The following SEPTIN9 variants were observed in gnomAD, a reference collection of about 807,000 sequenced individuals.
SEPTIN9 encodes septin-9.
SEPTIN9 carries 13 observed loss-of-function variants against 56.6 expected under a neutral mutation model. The observed-to-expected ratio is 0.23, with a 90% CI of 0.15 to 0.37. The LOEUF (loss-of-function observed/expected upper bound fraction) is 0.37. Among genes scored for constraint, SEPTIN9 ranks in the 10% least tolerant of loss-of-function variants. SEPTIN9 has a pLI of 1.00. For missense variants in SEPTIN9, 650 were observed against 823.1 expected (o/e 0.79, Z 2.57); for synonymous variants, 332 against 334.1 (o/e 0.99, Z 0.07).
chr17:77,456,649 AG>A lies in SEPTIN9; in HGVS notation c.722-25493del. 1 of 142,812 alleles carries A rather than the reference AG, an allele frequency of 7.0e-6. No individual in the cohort carries two copies. The highest frequency in any genetic ancestry group is 6.9e-5 in the Admixed American group (1 of 14,396). The allele number at this position is 142,812 out of a possible 1,614,324, so 8.8% of individuals were successfully genotyped here. A position where few individuals can be genotyped will look rare whatever the true frequency, so the allele number is the denominator to read the frequency against. On this transcript the variant is annotated intron_variant, in intron 3 of 11. Transcript: ENST00000427177. This position sits in a 1 kb window ranked among gnomAD's most constrained non-coding sequence, Gnocchi z 6.0. ...GCACCGGGTACCCACAGCCAGGGACAGGCCTCCATGGCCAGTACCAGGTCTC... is the reference window on the plus strand; with the variant it reads ...GCACCGGGTACCCACAGCCAGGGACAGCCTCCATGGCCAGTACCAGGTCTC...
intron 1 of SEPTIN9, among the ~76,000 whole-genome samples, chr17:77,287,173 G>A (rs959093360): frequency 2.0e-5 from 3 of 152,376 alleles, no homozygotes; most frequent in African/African-American, 7.2e-5. Context: ...ACCAAAGGGA[G>A]TCAGTCCTGG....
intron 2 of SEPTIN9, among the ~76,000 whole-genome samples, chr17:77,368,582 G>A (rs908353551): frequency 9.9e-5 from 15 of 152,138 alleles, no homozygotes; most frequent in African/African-American, 3.6e-4. Context: ...AAAGTGCTGG[G>A]ATTACAGGCG....
chr17:77,381,403 C>T (rs1024590537), intron 2 of SEPTIN9, among the ~76,000 whole-genome samples: 2 of 139,564 alleles, frequency 1.4e-5, no homozygotes, highest in African/African-American at 2.6e-5. Flanking sequence ...CTCCTTCTGT[C>T]CCCACCCCCC....
At chr17:77,354,508 C>T (rs913209578) in intron 2 of SEPTIN9, among the ~76,000 whole-genome samples, 1 of 152,180 alleles carries the variant, frequency 6.6e-6, no homozygotes, top group Non-Finnish European at 1.5e-5. Context: ...CCTGCCCAGC[C>T]TGGAGCCTCC....
chr17:77,465,611 G>A (rs1159923772), intron 3 of SEPTIN9, among the ~76,000 whole-genome samples: 1 of 149,782 alleles, frequency 6.7e-6, no homozygotes, highest in African/African-American at 2.4e-5. Context: ...TTGAATCAAC[G>A]CAGGGATGGG....
Position 77,371,055 on chromosome 17 carries a change from G to C in SEPTIN9, c.77-31004G>C, listed in dbSNP as rs1008968045. Among the ~76,000 whole-genome samples, 1 of 152,214 alleles carries C rather than the reference G, an allele frequency of 6.6e-6. No individual in the cohort carries two copies. The highest frequency in any genetic ancestry group is 2.4e-5 in the African/African-American group (1 of 41,452). On this transcript the variant is annotated intron_variant, in intron 2 of 11. Coordinates refer to ENST00000427177, the MANE Select transcript of SEPTIN9 (RefSeq NM_001113491.2). This position sits in a 1 kb window ranked among gnomAD's most constrained non-coding sequence, Gnocchi z 4.1. ...AAAGGAAATAAATGATGTACAATTA[G>C]AGCAGTTGGTTAGATACGAGGGTGA...
Position 77,429,311 on chromosome 17 carries a change from C to T in SEPTIN9, c.721+26608C>T, listed in dbSNP as rs2037039377. 2 of 469,836 alleles carry T rather than the reference C, an allele frequency of 4.3e-6. No homozygotes were observed. The highest frequency in any genetic ancestry group is 8.8e-6 in the Non-Finnish European group (2 of 226,104). 29.1% of individuals were successfully genotyped at this position (469,836 alleles called of 1,614,324 possible). On this transcript the variant is annotated intron_variant, in intron 3 of 11. Coordinates refer to ENST00000427177, the MANE Select transcript of SEPTIN9 (RefSeq NM_001113491.2). This position sits in a 1 kb window ranked among gnomAD's most constrained non-coding sequence, Gnocchi z 5.2. ...TGCCGTCAGCACGCAGGCCTCCTGC[C>T]CTCGCCACGACTGGCTCCTGCAGCC...
chr17:77,488,173 T>A (rs1278631932), intron 5 of SEPTIN9, 67 bp from the exon 6 acceptor site: 3 of 1,487,054 alleles, frequency 2.0e-6, no homozygotes, highest in Non-Finnish European at 2.8e-6. Flanking sequence ...CCGGGGTCAG[T>A]CAGGTGTGGG....
Position 77,313,730 on chromosome 17 carries a change from T to C in SEPTIN9, c.76+6533T>C, listed in dbSNP as rs2032596342. ...GCAGGAAATGAATGGAAAAGTCTTT[T>C]TTTTTTCTTTTTTCTTTCTAGGCAG... On this transcript the variant is annotated intron_variant, in intron 2 of 11. Coordinates refer to ENST00000427177, the MANE Select transcript of SEPTIN9 (RefSeq NM_001113491.2). The surrounding 1 kb of genome is among the most constrained non-coding windows in gnomAD (Gnocchi z 4.5). 6.6e-6 allele frequency among the ~76,000 whole-genome samples: 1 copy of C among 152,134 alleles called. No individual in the cohort carries two copies. Among genetic ancestry groups the C allele is most frequent in the South Asian group, 2.1e-4 (1 of 4,826 alleles).
chr17:77,482,528 C>A, intron 4 of SEPTIN9, 193 bp downstream of exon 4: 2 of 720,854 alleles, frequency 2.8e-6, no homozygotes, highest in Non-Finnish European at 2.5e-6. Context: ...TCCAGCGGCT[C>A]CTCAGAGGGG....
At position 77,317,298 on chromosome 17, in the gene SEPTIN9, G is replaced by A. The variant is rs527625218; in HGVS notation, c.76+10101G>A. Among the ~76,000 whole-genome samples, 5 of 152,282 alleles carry A rather than the reference G, an allele frequency of 3.3e-5. No homozygotes were observed. The highest frequency in any genetic ancestry group is 1.9e-4 in the East Asian group (1 of 5,184). Reference sequence around the variant, plus strand: ...TAGCCCTCTGGAGGCTCTAGGGCAGGGGTTCCCAGCCCCGTGTGTCCTATT... The same window carrying A: ...TAGCCCTCTGGAGGCTCTAGGGCAGAGGTTCCCAGCCCCGTGTGTCCTATT... On this transcript the variant is annotated intron_variant, in intron 2 of 11. Coordinates refer to ENST00000427177, the MANE Select transcript of SEPTIN9 (RefSeq NM_001113491.2). This position sits in a 1 kb window ranked among gnomAD's most constrained non-coding sequence, Gnocchi z 4.2.
chr17:77,355,723 C>T (rs1168410752), intron 2 of SEPTIN9, among the ~76,000 whole-genome samples: 1 of 152,070 alleles, frequency 6.6e-6, no homozygotes, highest in Non-Finnish European at 1.5e-5. Flanking sequence ...TGGCTCACAC[C>T]TGTAATCCCA....
At chr17:77,481,325 G>A (rs747818581) in intron 3 of SEPTIN9, among the ~76,000 whole-genome samples, 1 of 152,262 alleles carries the variant, frequency 6.6e-6, no homozygotes, top group African/African-American at 2.4e-5. Context: ...GCCTGTGGGT[G>A]TGCAGCCCGT....
rs752917680 is a variant in SEPTIN9 at position 77,320,291 on chromosome 17, C to T, written c.76+13094C>T. The T allele has an allele frequency of 1.6e-5, 25 of 1,611,960 alleles. 1 individual carries two copies. The African/African-American group carries it at 3.1e-4, about 20-fold the overall frequency. On this transcript the variant is annotated intron_variant, in intron 2 of 11. Coordinates refer to ENST00000427177, the MANE Select transcript of SEPTIN9 (RefSeq NM_001113491.2). ...GGGGAGGCCGCCTCTGAGCGGGACGCCGGGACTCCCGCCGCTGCTAAATAT... is the reference window on the plus strand; with the variant it reads ...GGGGAGGCCGCCTCTGAGCGGGACGTCGGGACTCCCGCCGCTGCTAAATAT...
At chr17:77,428,365 G>A (rs776930129) in intron 3 of SEPTIN9, among the ~76,000 whole-genome samples, 12 of 152,216 alleles carry the variant, frequency 7.9e-5, no homozygotes, top group Non-Finnish European at 1.6e-4. Context: ...CAGGCGAAGC[G>A]GTCAAGGGAG....
chr17:77,476,136 A>G lies in SEPTIN9; in HGVS notation c.722-6008A>G, dbSNP rs903857542. Among the ~76,000 whole-genome samples the G allele has an allele frequency of 7.2e-5, 11 of 152,136 alleles. No individual in the cohort carries two copies. Among genetic ancestry groups the G allele is most frequent in the African/African-American group, 2.7e-4 (11 of 41,426 alleles). On this transcript the variant is annotated intron_variant, in intron 3 of 11. Transcript: ENST00000427177. This position sits in a 1 kb window ranked among gnomAD's most constrained non-coding sequence, Gnocchi z 6.0. Reference sequence around the variant, plus strand: ...CAAGGCTGATGGGACTTGTGTGGACATTTCTGGGACGTAGACCAGGCAGCA... The same window carrying G: ...CAAGGCTGATGGGACTTGTGTGGACGTTTCTGGGACGTAGACCAGGCAGCA...
At chr17:77,320,151 C>G (rs563964076) in intron 2 of SEPTIN9, 2 of 1,509,846 alleles carry the variant, frequency 1.3e-6, no homozygotes, top group African/African-American at 1.4e-5. Flanking sequence ...TGTGGTAATT[C>G]GGATGCATTC....
chr17:77,307,410 G>C (rs939863795), intron 2 of SEPTIN9, among the ~76,000 whole-genome samples: 1 of 152,214 alleles, frequency 6.6e-6, no homozygotes, highest in Non-Finnish European at 1.5e-5. Flanking sequence ...TGATCCTTGT[G>C]GGGGCAGGGG....
rs1347522638 is a variant in SEPTIN9 at position 77,500,490 on chromosome 17, A to G, written c.*1832A>G. Reference sequence around the variant, plus strand: ...TCGTTTCATCAGGCTCTGTTCCTCAATGGCCTTTTGCTACGTGCCTCCCGA... The same window carrying G: ...TCGTTTCATCAGGCTCTGTTCCTCAGTGGCCTTTTGCTACGTGCCTCCCGA... On this transcript the variant is annotated 3_prime_UTR_variant, in exon 12 of 12. Transcript: ENST00000427177. The G allele has an allele frequency of 2.8e-5, 6 of 215,808 alleles. No individual in the cohort carries two copies. The highest frequency in any genetic ancestry group is 4.7e-5 in the Non-Finnish European group (5 of 106,734). The allele number at this position is 215,808 out of a possible 1,614,324, so 13.4% of individuals were successfully genotyped here.
Sources: allele counts gnomAD v4.1 joint callset (sites outside exome capture counted in the v4.1 genomes callset), GRCh38; gene constraint gnomAD v4.1.1; non-coding constraint Gnocchi (gnomAD v3.1); transcripts MANE v1.5; gene names NCBI Gene and HGNC (gene_info 2026-07-23, HGNC 2026-07-21).